Variants in EPHA1 observed in about 807,000 individuals in gnomAD.
EPHA1 encodes EPH receptor A1, also known as ephrin type-A receptor 1.
In EPHA1, 92 loss-of-function variants were observed where a neutral mutation model predicts 110.1. The observed-to-expected ratio is 0.84, with a 90% CI of 0.71 to 0.99. The LOEUF (loss-of-function observed/expected upper bound fraction) is 0.99, where lower values mean the gene tolerates loss of function less well. Ranked by LOEUF, EPHA1 falls within the 50% of genes least tolerant of loss-of-function variation. The pLI is 0.00. For missense variants in EPHA1, 1,204 were observed against 1,285.4 expected, an observed-to-expected ratio of 0.94 and a Z score of 0.97; for synonymous variants, 500 against 516.1, an observed-to-expected ratio of 0.97 and a Z score of 0.42.
Position 143,397,623 on chromosome 7 carries a change from G to A in EPHA1, c.1650C>T (p.Ala550=), listed in dbSNP as rs138347396. 1.7e-5 allele frequency: 27 copies of A among 1,614,182 alleles called. No individual in the cohort carries two copies. In the African/African-American group the frequency reaches 2.8e-4, roughly 17 times the overall value. ...SRGLTGGEIV[A]VIFGLLLGAA... is the part of the protein sequence containing the mutation. Reference sequence around the variant, plus strand: ...CACCAAGCAGCAGCCCAAAGATGACGGCTACAATCTCTCCTCCAGTCAGGC... The same window carrying A: ...CACCAAGCAGCAGCCCAAAGATGACAGCTACAATCTCTCCTCCAGTCAGGC... The change falls in exon 9 of 18, where the codon GCC becomes GCT. Residue 550 remains alanine (A), a synonymous_variant. Transcript: ENST00000275815.
At chr7:143,403,870 A>G (rs1805482238) in intron 2 of EPHA1, among the ~76,000 whole-genome samples, 1 of 152,224 alleles carries the variant, frequency 6.6e-6, no homozygotes. Flanking sequence ...CCTTTGCATG[A>G]CATTCTATTA....
chr7:143,399,569 G>C, intron 4 of EPHA1, 82 bp downstream of exon 4: 2 of 1,584,524 alleles, frequency 1.3e-6, no homozygotes, highest in Non-Finnish European at 1.7e-6. Context: ...CACTGAGGCG[G>C]AGCACTGGCC....
rs1563116671 is a variant in EPHA1 at position 143,397,542 on chromosome 7, A to AG, written c.1712+18dup. The AG allele has an allele frequency of 6.3e-7, 1 of 1,576,424 alleles. No homozygotes were observed. Among genetic ancestry groups the AG allele is most frequent in the Non-Finnish European group, 8.7e-7 (1 of 1,149,880 alleles). ...TCTGACCCAGGGCTGGTGGTTGGGG[A>AG]GGGGGCAGGAGCTGGCACCTGGACC... On this transcript the variant is annotated intron_variant, in intron 9 of 17. Transcript: ENST00000275815.
chr7:143,403,746 A>G (rs1805479409), intron 2 of EPHA1, among the ~76,000 whole-genome samples: 1 of 152,200 alleles, frequency 6.6e-6, no homozygotes, highest in African/African-American at 2.4e-5. Context: ...TGCCAATCCT[A>G]GGGTCAAAAC....
At position 143,398,861 on chromosome 7, in the gene EPHA1, C is replaced by T. The variant is rs1192707729; in HGVS notation, c.1076G>A (p.Gly359Glu). Residue 359 changes from glycine to glutamate, a missense_variant, in exon 6 of 18, where the codon GGG becomes GAG. Physicochemically the swap from Gly to Glu is moderately conservative, Grantham distance 98 (BLOSUM62 -2). Coordinates refer to ENST00000275815, the MANE Select transcript of EPHA1 (RefSeq NM_005232.5). ...SLRWEPPADT[G>E]GRQDVRYSVR... ...ACTGTATCTGACATCCTGGCGTCCCCCCGTATCTGCTGGGGGTTCCCAACG... is the reference window on the plus strand; with the variant it reads ...ACTGTATCTGACATCCTGGCGTCCCTCCGTATCTGCTGGGGGTTCCCAACG... 5 of 1,613,418 alleles carry T rather than the reference C, an allele frequency of 3.1e-6. No individual in the cohort carries two copies. In the South Asian group the frequency reaches 5.5e-5, roughly 18 times the overall value.
rs143810053 is a variant in EPHA1, at chr7:143,401,456, C to G, written c.300G>C (p.Gln100His). 127 of 1,614,140 alleles carry G rather than the reference C, an allele frequency of 7.9e-5. No individual in the cohort carries two copies. The African/African-American group carries it at 1.3e-3, about 17-fold the overall frequency. Residue 100 changes from glutamine (Q) to histidine (H), a missense_variant, in exon 3 of 18, where the codon CAG becomes CAC. Gln to His is a conservative substitution (Grantham distance 24). Coordinates refer to ENST00000275815, the MANE Select transcript of EPHA1 (RefSeq NM_005232.5). This position sits in a 1 kb window ranked among gnomAD's most constrained non-coding sequence, Gnocchi z 4.1. ...AACTCTTGCAGTCCCGCACGGTGAACTGCAGCTCCACGTGGACGCGGGAAG... is the reference window on the plus strand; with the variant it reads ...AACTCTTGCAGTCCCGCACGGTGAAGTGCAGCTCCACGTGGACGCGGGAAG... ...EEASRVHVEL[Q>H]FTVRDCKSFP...
At chr7:143,399,024 C>A in intron 5 of EPHA1, 79 bp from the exon 6 acceptor site, 1 of 1,365,514 alleles carries the variant, frequency 7.3e-7, no homozygotes, top group Non-Finnish European at 1.0e-6. Flanking sequence ...CCACCACCAC[C>A]CAATTCTCGA....
chr7:143,408,834 C>A lies in EPHA1; in HGVS notation c.-29G>T. The A allele has an allele frequency of 2.9e-6, 3 of 1,031,850 alleles. No individual in the cohort carries two copies. Among genetic ancestry groups the A allele is most frequent in the Non-Finnish European group, 2.3e-6 (2 of 865,818 alleles). 63.9% of individuals were successfully genotyped at this position (1,031,850 alleles called of 1,614,324 possible). A position where few individuals can be genotyped will look rare whatever the true frequency, so the allele number is the denominator to read the frequency against. Reference sequence around the variant, plus strand: ...TCCGGGCCGGGACCTGGGACAGTGGCCCGGATGGCAGCGCCAGGTTGCAAG... The same window carrying A: ...TCCGGGCCGGGACCTGGGACAGTGGACCGGATGGCAGCGCCAGGTTGCAAG... On this transcript the variant is annotated 5_prime_UTR_variant, in exon 1 of 18. Coordinates refer to ENST00000275815, the MANE Select transcript of EPHA1 (RefSeq NM_005232.5).
intron 6 of EPHA1, 53 bp downstream of exon 6, chr7:143,398,548 T>G (rs1805324869): frequency 1.2e-6 from 2 of 1,606,814 alleles, no homozygotes; most frequent in Non-Finnish European, 1.7e-6. Flanking sequence ...TCTGTGGTCT[T>G]AAGCCCTTCT....
At position 143,393,549 on chromosome 7, in the gene EPHA1, T is replaced by TCATA; in HGVS notation, c.2696+118_2696+121dup. ...ACTCTCCCCAAGGGCACGTCTTGCC[T>TCATA]CATACACTGGACTTGGTCCAGAGCT... On this transcript the variant is annotated intron_variant, in intron 16 of 17. Transcript: ENST00000275815. The surrounding 1 kb of genome is among the most constrained non-coding windows in gnomAD (Gnocchi z 5.6). The TCATA allele has an allele frequency of 9.1e-7, 1 of 1,102,432 alleles. No homozygotes were observed. Among genetic ancestry groups the TCATA allele is most frequent in the Non-Finnish European group, 1.3e-6 (1 of 777,098 alleles). The allele number at this position is 1,102,432 out of a possible 1,614,324, so 68.3% of individuals were successfully genotyped here. A position where few individuals can be genotyped will look rare whatever the true frequency, so the allele number is the denominator to read the frequency against.
intron 2 of EPHA1, 77 bp downstream of exon 2, chr7:143,407,534 C>T: frequency 7.0e-7 from 1 of 1,426,882 alleles, no homozygotes; most frequent in Non-Finnish European, 9.7e-7. Context: ...TTTCTCTGTT[C>T]CTCCACCCAC....
intron 11 of EPHA1, 44 bp downstream of exon 11, chr7:143,396,341 C>G (rs1186982043): frequency 6.3e-7 from 1 of 1,599,640 alleles, no homozygotes; most frequent in African/African-American, 1.3e-5. Flanking sequence ...CTCTGTGCTG[C>G]CCCACATGGC....
rs748591277 is a variant in EPHA1 at position 143,396,530 on chromosome 7, T to C, written c.1772-20A>G. The C allele has an allele frequency of 6.2e-7, 1 of 1,612,528 alleles. No homozygotes were observed. The highest frequency in any genetic ancestry group is 8.5e-7 in the Non-Finnish European group (1 of 1,179,034). ...TGTCCTCTATGGGCAGAACATGAGG[T>C]TGGGGAGTACCAACATCAGGGCTCA... On this transcript the variant is annotated intron_variant, in intron 10 of 17. Transcript: ENST00000275815.
rs770115977 is a variant in EPHA1 at position 143,397,888 on chromosome 7, T to C, written c.1615+32A>G. 1.9e-6 allele frequency: 3 copies of C among 1,610,472 alleles called. No homozygotes were observed. The Admixed American group carries it at 5.0e-5, about 27-fold the overall frequency. On this transcript the variant is annotated intron_variant, in intron 8 of 17. Coordinates refer to ENST00000275815, the MANE Select transcript of EPHA1 (RefSeq NM_005232.5). Reference sequence around the variant, plus strand: ...TTGCCTCAGTGAGGCAACAGGTGTATGTGTGTTGGGGCAGAGCACAAGATA... The same window carrying C: ...TTGCCTCAGTGAGGCAACAGGTGTACGTGTGTTGGGGCAGAGCACAAGATA...
chr7:143,394,165 CAAGAT>C (rs1563114639), intron 15 of EPHA1, 24 bp downstream of exon 15: 1 of 1,592,076 alleles, frequency 6.3e-7, no homozygotes, highest in Admixed American at 1.7e-5. Context: ...GAATTGGAGA[CAAGAT>C]GAGGAAGAAT....
Position 143,399,239 on chromosome 7 carries a change from C to T in EPHA1, c.991+19G>A, listed in dbSNP as rs1433102947. On this transcript the variant is annotated intron_variant, in intron 5 of 17. Transcript: ENST00000275815. Reference sequence around the variant, plus strand: ...CAGCCCCTCCCTCCAGATGGCCACGCCCCACCCCCTGGACTCACCTGTGCA... The same window carrying T: ...CAGCCCCTCCCTCCAGATGGCCACGTCCCACCCCCTGGACTCACCTGTGCA... 6.2e-7 allele frequency: 1 copy of T among 1,604,088 alleles called. No homozygotes were observed. The highest frequency in any genetic ancestry group is 8.5e-7 in the Non-Finnish European group (1 of 1,176,888).
chr7:143,406,493 C>T (rs1243180667), intron 2 of EPHA1, among the ~76,000 whole-genome samples: 1 of 152,194 alleles, frequency 6.6e-6, no homozygotes, highest in Admixed American at 6.5e-5. Context: ...TCAATGTTTC[C>T]CTGAGTTCTG....
intron 16 of EPHA1, among the ~76,000 whole-genome samples, chr7:143,392,297 G>T (rs934755643): frequency 6.6e-6 from 1 of 152,174 alleles, no homozygotes; most frequent in African/African-American, 2.4e-5. Flanking sequence ...GCTCGCCAGA[G>T]CCAAAAACCA....
chr7:143,398,237 C>T, intron 7 of EPHA1, 84 bp downstream of exon 7: 3 of 1,592,472 alleles, frequency 1.9e-6, no homozygotes, highest in South Asian at 1.1e-5. Flanking sequence ...CGGGTGGATT[C>T]CTCCCAACCC....
Sources: allele counts gnomAD v4.1 joint callset (sites outside exome capture counted in the v4.1 genomes callset), GRCh38; gene constraint gnomAD v4.1.1; non-coding constraint Gnocchi (gnomAD v3.1); transcripts MANE v1.5; gene names NCBI Gene and HGNC (gene_info 2026-07-23, HGNC 2026-07-21).